Variants in EDIL3 observed in about 807,000 individuals in gnomAD.
The protein encoded by EDIL3 is EGF-like repeat and discoidin I-like domain-containing protein 3.
EDIL3 carries 37 observed loss-of-function variants against 67.4 expected under a neutral mutation model. The ratio of observed to expected loss-of-function variants is 0.55; its 90% CI spans 0.42 to 0.72. The LOEUF is 0.72. Ranked by LOEUF, EDIL3 falls within the 30% of genes least tolerant of loss-of-function variation. EDIL3 has a pLI of 0.00. For missense variants in EDIL3, 527 were observed against 586.3 expected, an observed-to-expected ratio of 0.90 and a Z score of 1.04; for synonymous variants, 195 against 196.3, an observed-to-expected ratio of 0.99 and a Z score of 0.05.
At chr5:83,961,578 T>C (rs1744608306) in intron 10 of EDIL3, among the ~76,000 whole-genome samples, 1 of 151,230 alleles carries the variant, frequency 6.6e-6, no homozygotes, top group Non-Finnish European at 1.5e-5. Context: ...GATTTCACTA[T>C]AATAGACGTG....
intron 6 of EDIL3, among the ~76,000 whole-genome samples, chr5:84,086,059 T>C (rs1293123986): frequency 6.6e-6 from 1 of 152,146 alleles, no homozygotes; most frequent in Non-Finnish European, 1.5e-5. Context: ...GTGCTGGCAG[T>C]GAGAATTTCA....
At chr5:84,197,874 T>C (rs1008240672) in intron 3 of EDIL3, among the ~76,000 whole-genome samples, 3 of 151,888 alleles carry the variant, frequency 2.0e-5, no homozygotes, top group Admixed American at 6.6e-5. Flanking sequence ...TTAAGACATT[T>C]AAGCAAGAAA....
At chr5:84,343,230 G>A (rs986236441) in intron 1 of EDIL3, among the ~76,000 whole-genome samples, 8 of 151,608 alleles carry the variant, frequency 5.3e-5, no homozygotes, top group African/African-American at 1.9e-4. Flanking sequence ...TTTTAAGTAG[G>A]AAATTTTCAT....
chr5:84,086,865 A>C (rs1747081842), intron 6 of EDIL3, among the ~76,000 whole-genome samples: 1 of 152,104 alleles, frequency 6.6e-6, no homozygotes, highest in African/African-American at 2.4e-5. Flanking sequence ...CTCGTTACCC[A>C]GTGTATATAC....
chr5:84,310,983 G>A (rs1372364985), intron 1 of EDIL3, among the ~76,000 whole-genome samples: 3 of 151,888 alleles, frequency 2.0e-5, no homozygotes, highest in African/African-American at 7.3e-5. Flanking sequence ...ATTCTATCAT[G>A]TCTGTTTTTT....
intron 1 of EDIL3, among the ~76,000 whole-genome samples, chr5:84,258,694 C>G (rs1745167195): frequency 6.6e-6 from 1 of 152,128 alleles, no homozygotes; most frequent in Non-Finnish European, 1.5e-5. Flanking sequence ...TTACTTAGGT[C>G]AAAACCATCA....
rs777198040 is a variant in EDIL3 at position 84,180,431 on chromosome 5, T to G, written c.317A>C (p.Lys106Thr). The change falls in exon 4 of 11, where the codon AAA becomes ACA. Residue 106 changes from lysine (K) to threonine (T), a missense_variant. This residue lies in a region of EDIL3 where 494 missense variants were observed against 522.5 expected (regional missense o/e 0.95). Transcript: ENST00000296591. ...RGDTFIGYVC[K>T]CPRGFNGIHC... is the part of the protein sequence containing the mutation. ...AATCCCATTAAATCCTCGGGGACATTTACAAACATAGCCTATGAATGTATC... is the reference window on the plus strand; with the variant it reads ...AATCCCATTAAATCCTCGGGGACATGTACAAACATAGCCTATGAATGTATC... 1 of 1,607,238 alleles carries G rather than the reference T, an allele frequency of 6.2e-7. No homozygotes were observed. The highest frequency in any genetic ancestry group is 2.2e-5 in the East Asian group (1 of 44,612).
intron 1 of EDIL3, among the ~76,000 whole-genome samples, chr5:84,349,509 AT>A (rs1337148418): frequency 6.6e-6 from 1 of 152,186 alleles, no homozygotes; most frequent in East Asian, 1.9e-4. Context: ...TTTAAAATAC[AT>A]TTTTGGTGAC....
At chr5:84,199,168 T>C (rs1248234493) in intron 3 of EDIL3, among the ~76,000 whole-genome samples, 1 of 152,022 alleles carries the variant, frequency 6.6e-6, no homozygotes, top group Non-Finnish European at 1.5e-5. Context: ...GCAAACCTTT[T>C]ATACCGAGAC....
intron 9 of EDIL3, among the ~76,000 whole-genome samples, chr5:84,009,850 G>A (rs866320128): frequency 2.0e-5 from 3 of 152,076 alleles, no homozygotes; most frequent in Non-Finnish European, 2.9e-5. Flanking sequence ...CATATACTAC[G>A]CACAATTCTT....
At position 84,384,466 on chromosome 5, in the gene EDIL3, C is replaced by T. The variant is rs942273456; in HGVS notation, c.-92G>A. 1.5e-5 allele frequency: 18 copies of T among 1,223,072 alleles called. No individual in the cohort carries two copies. Among genetic ancestry groups the T allele is most frequent in the Non-Finnish European group, 2.1e-5 (18 of 844,460 alleles). The allele number at this position is 1,223,072 out of a possible 1,614,324, so 75.8% of individuals were successfully genotyped here. The stretch of plus-strand genomic sequence containing the variant: ...GGCAGCGCAGGGCAGCAGCAGACTC[C>T]GCCCCTACTAAAGAATTCAAGAAGA... On this transcript the variant is annotated 5_prime_UTR_variant, in exon 1 of 11. Transcript: ENST00000296591.
intron 1 of EDIL3, among the ~76,000 whole-genome samples, chr5:84,311,609 G>C (rs1269978810): frequency 6.6e-6 from 1 of 151,722 alleles, no homozygotes; most frequent in East Asian, 1.9e-4. Flanking sequence ...TCTCACAGAG[G>C]GGGATTTGGC....
chr5:84,046,401 A>G (rs547538660), intron 9 of EDIL3, among the ~76,000 whole-genome samples: 20 of 152,284 alleles, frequency 1.3e-4, no homozygotes, highest in African/African-American at 4.8e-4. Flanking sequence ...AGTCACTTCA[A>G]TCATTATAAT....
chr5:84,313,952 T>C (rs1746459741), intron 1 of EDIL3, among the ~76,000 whole-genome samples: 1 of 151,906 alleles, frequency 6.6e-6, no homozygotes, highest in African/African-American at 2.4e-5. Context: ...TCCCAGCAGT[T>C]TAAGAGGCCA....
chr5:84,132,454 T>TTATATATTTTATATATAA (rs1747999170), intron 5 of EDIL3, among the ~76,000 whole-genome samples: 2 of 114,260 alleles, frequency 1.8e-5, no homozygotes, highest in African/African-American at 7.3e-5. Context: ...TTAACATATA[T>TTATATATTTTATATATAA]TATGTATTTT....
intron 5 of EDIL3, among the ~76,000 whole-genome samples, chr5:84,128,186 T>C (rs925148582): frequency 6.6e-6 from 1 of 152,084 alleles, no homozygotes; most frequent in South Asian, 2.1e-4. Context: ...TAGTTGCCAG[T>C]CAAGTTTTAT....
intron 4 of EDIL3, among the ~76,000 whole-genome samples, chr5:84,175,783 C>T (rs1351676778): frequency 6.6e-6 from 1 of 152,102 alleles, no homozygotes; most frequent in Non-Finnish European, 1.5e-5. Context: ...TTCCTTAAGT[C>T]AGTAATCCTC....
chr5:84,117,626 T>C (rs945962970), intron 5 of EDIL3, among the ~76,000 whole-genome samples: 11 of 152,098 alleles, frequency 7.2e-5, no homozygotes, highest in Admixed American at 6.6e-4. Context: ...AATCCTATGC[T>C]TGTCCATTAT....
At chr5:84,033,181 T>C (rs1745958814) in intron 9 of EDIL3, among the ~76,000 whole-genome samples, 1 of 152,220 alleles carries the variant, frequency 6.6e-6, no homozygotes, top group Admixed American at 6.5e-5. Context: ...TCCTAACTCC[T>C]ATGCTTTCTC....
Sources: allele counts gnomAD v4.1 joint callset (sites outside exome capture counted in the v4.1 genomes callset), GRCh38; gene constraint gnomAD v4.1.1; regional missense constraint gnomAD v4.1.1; transcripts MANE v1.5; gene names NCBI Gene and HGNC (gene_info 2026-07-23, HGNC 2026-07-21).